The following GAB1 variants were observed in gnomAD, a reference collection of about 807,000 sequenced individuals.
GAB1 encodes GRB2-associated-binding protein 1.
A neutral mutation model predicts 66.5 loss-of-function variants in GAB1; 19 were observed. The observed-to-expected ratio is 0.29, with a 90% confidence interval of 0.20 to 0.42. GAB1 has a LOEUF of 0.42. GAB1 is among the 10% of genes least tolerant of loss of function. The pLI is 1.00. For synonymous variants in GAB1, 294 were observed against 301.4 expected, an observed-to-expected ratio of 0.98 and a Z score of 0.25; for missense variants, 732 against 858.5, an observed-to-expected ratio of 0.85 and a Z score of 1.84.
chr4:143,406,255 A>AT lies in GAB1; in HGVS notation c.73-9212dup, dbSNP rs202041939. ...TTTTGGTGCCTAGGTATTTAGCCAC[A>AT]TTTTTTTTTTCATTATTTCCTTAGG... On this transcript the variant is annotated intron_variant, in intron 1 of 9. Transcript: ENST00000262994. 5.9e-3 allele frequency among the ~76,000 whole-genome samples: 886 copies of AT among 149,608 alleles called. 3 individuals are homozygous for AT. The highest frequency in any genetic ancestry group is 0.022 in the Admixed American group (337 of 15,020).
chr4:143,417,924 G>A (rs1197998777), intron 2 of GAB1, among the ~76,000 whole-genome samples: 2 of 151,946 alleles, frequency 1.3e-5, no homozygotes, highest in African/African-American at 4.9e-5. Context: ...TAGGAGTGCT[G>A]TAGATACCAT....
At chr4:143,393,448 A>G (rs1423295547) in intron 1 of GAB1, among the ~76,000 whole-genome samples, 1 of 152,170 alleles carries the variant, frequency 6.6e-6, no homozygotes, top group South Asian at 2.1e-4. Flanking sequence ...GACCTAGTCA[A>G]GTTACTTAAT....
rs61697817 is a variant in GAB1, at chr4:143,413,824, C to CCTTTTTTTTTT, written c.73-1653_73-1652insCTTTTTTTTTT. Among the ~76,000 whole-genome samples, 38 of 67,830 alleles carry CCTTTTTTTTTT rather than the reference C, an allele frequency of 5.6e-4. 3 individuals carry two copies. The highest frequency in any genetic ancestry group is 3.5e-3 in the African/African-American group (37 of 10,622). 44.5% of individuals were successfully genotyped at this position (67,830 alleles called of 152,430 possible). ...AGAGCATCCCCACCACCCCGCTGCC[C>CCTTTTTTTTTT]TTTTTTTTTTTTTTTTTTTTTTTTG... On this transcript the variant is annotated intron_variant, in intron 1 of 9. Coordinates refer to ENST00000262994, the MANE Select transcript of GAB1 (RefSeq NM_002039.4).
chr4:143,365,891 C>T (rs191611350), intron 1 of GAB1, among the ~76,000 whole-genome samples: 91 of 152,326 alleles, frequency 6.0e-4, no homozygotes, highest in African/African-American at 2.0e-3. Context: ...TTATTCATTA[C>T]TAATACATAA....
At chr4:143,443,999 GT>G (rs2149764840) in intron 6 of GAB1, among the ~76,000 whole-genome samples, 1 of 152,260 alleles carries the variant, frequency 6.6e-6, no homozygotes, top group East Asian at 1.9e-4. Flanking sequence ...TTTGAGCCAA[GT>G]TTTGTGTGTA....
intron 1 of GAB1, among the ~76,000 whole-genome samples, chr4:143,377,313 T>C (rs1269371098): frequency 6.6e-6 from 1 of 152,218 alleles, no homozygotes; most frequent in Non-Finnish European, 1.5e-5. Flanking sequence ...AACAATGCTT[T>C]GATTAGTTCC....
At chr4:143,345,178 C>T (rs1728949371) in intron 1 of GAB1, among the ~76,000 whole-genome samples, 1 of 152,166 alleles carries the variant, frequency 6.6e-6, no homozygotes, top group Non-Finnish European at 1.5e-5. Flanking sequence ...CTTTCCTCAC[C>T]TCTTAGTGTG....
intron 1 of GAB1, among the ~76,000 whole-genome samples, chr4:143,340,793 C>T (rs573061861): frequency 1.3e-5 from 2 of 152,296 alleles, no homozygotes; most frequent in Admixed American, 6.5e-5. Flanking sequence ...TGAGCCACCA[C>T]GCCTGGCCTT....
chr4:143,452,904 A>C (rs1734999001), intron 6 of GAB1, among the ~76,000 whole-genome samples: 1 of 152,132 alleles, frequency 6.6e-6, no homozygotes, highest in Non-Finnish European at 1.5e-5. Flanking sequence ...AAATTGGTTT[A>C]TTTTTGCCTT....
intron 1 of GAB1, among the ~76,000 whole-genome samples, chr4:143,356,947 CAGAAA>C (rs1371076327): frequency 6.6e-6 from 1 of 152,166 alleles, no homozygotes; most frequent in Non-Finnish European, 1.5e-5. Context: ...TTTAATTCTG[CAGAAA>C]TTTTGGACTT....
chr4:143,445,018 G>A (rs150233927), intron 6 of GAB1, among the ~76,000 whole-genome samples: 57 of 152,262 alleles, frequency 3.7e-4, no homozygotes, highest in Admixed American at 8.5e-4. Context: ...TTGATTCCAT[G>A]TCTTTGCTAT....
Position 143,337,163 on chromosome 4 carries a change from G to A in GAB1, c.-26G>A. 1 of 1,558,994 alleles carries A rather than the reference G, an allele frequency of 6.4e-7. No homozygotes were observed. Among genetic ancestry groups the A allele is most frequent in the Non-Finnish European group, 8.7e-7 (1 of 1,150,914 alleles). On this transcript the variant is annotated 5_prime_UTR_variant, in exon 1 of 10. Transcript: ENST00000262994. ...CGCGCCCGCCGCCCCTCAGCTGCCC[G>A]GCCCGGAGCCCGAGACGCGCGCACC... is the stretch of plus-strand genomic sequence containing the variant.
At chr4:143,437,823 T>C (rs1278273728) in intron 3 of GAB1, among the ~76,000 whole-genome samples, 176 bp from the exon 4 acceptor site, 1 of 152,198 alleles carries the variant, frequency 6.6e-6, no homozygotes, top group Non-Finnish European at 1.5e-5. Context: ...GCGGTTTTGT[T>C]GTCTGATGTA....
At chr4:143,405,687 CAG>C (rs1435505129) in intron 1 of GAB1, among the ~76,000 whole-genome samples, 1 of 152,086 alleles carries the variant, frequency 6.6e-6, no homozygotes, top group Non-Finnish European at 1.5e-5. Context: ...AGAAATAAGA[CAG>C]AATCTTGGGG....
At chr4:143,383,689 T>C (rs1161555172) in intron 1 of GAB1, among the ~76,000 whole-genome samples, 1 of 152,198 alleles carries the variant, frequency 6.6e-6, no homozygotes, top group Non-Finnish European at 1.5e-5. Context: ...TGAGCACATT[T>C]TCCACATCCC....
intron 1 of GAB1, among the ~76,000 whole-genome samples, chr4:143,350,904 CT>C (rs1398369122): frequency 1.3e-5 from 2 of 152,140 alleles, no homozygotes; most frequent in East Asian, 3.9e-4. Flanking sequence ...GATTTGTCCC[CT>C]CCACGGGACA....
At chr4:143,449,782 C>T (rs889789957) in intron 6 of GAB1, among the ~76,000 whole-genome samples, 1 of 151,806 alleles carries the variant, frequency 6.6e-6, no homozygotes, top group Admixed American at 6.6e-5. Context: ...AGCATTTAGT[C>T]CATTTACATT....
chr4:143,446,975 G>A (rs1436554251), intron 6 of GAB1, among the ~76,000 whole-genome samples: 1 of 152,014 alleles, frequency 6.6e-6, no homozygotes, highest in Non-Finnish European at 1.5e-5. Flanking sequence ...TTTTGTATAA[G>A]GTGTAAGGAA....
chr4:143,462,941 C>G (rs926190047), intron 8 of GAB1, among the ~76,000 whole-genome samples: 7 of 152,070 alleles, frequency 4.6e-5, no homozygotes, highest in African/African-American at 1.7e-4. Flanking sequence ...GGATTACAGG[C>G]GTGAGCCACT....
Sources: gnomAD v4.1 joint callset for allele counts (sites outside exome capture counted in the v4.1 genomes callset) on GRCh38, gnomAD v4.1.1 for gene constraint, MANE v1.5 for transcripts, NCBI Gene and HGNC (gene_info 2026-07-23, HGNC 2026-07-21) for gene names.